Variants in MAP3K15 observed in about 807,000 individuals in gnomAD.
MAP3K15 encodes the protein MAPK/ERK kinase kinase 15.
MAP3K15 carries 124 observed loss-of-function variants against 99.5 expected under a neutral mutation model. That is an observed-to-expected ratio of 1.25 (90% CI 1.08 to 1.45). MAP3K15 has a LOEUF of 1.45. Among genes scored for constraint, MAP3K15 ranks in the 40% most tolerant of loss-of-function variants. The pLI, the probability that MAP3K15 is intolerant of heterozygous loss-of-function variation, is 0.00. For synonymous variants in MAP3K15, 494 were observed against 439.6 expected (o/e 1.12, Z -1.55); for missense variants, 1,242 against 1,079.7 (o/e 1.15, Z -2.11).
intron 26 of MAP3K15, 45 bp downstream of exon 26, chrX:19,362,693 A>G (rs1455849524): frequency 1.3e-6 from 1 of 772,801 alleles, no homozygotes; most frequent in South Asian, 2.2e-5. Flanking sequence ...GCTAACTAGA[A>G]TATTAGCTAG....
Position 19,360,664 on chromosome X carries a change from AGC to A in MAP3K15, c.*83_*84del, listed in dbSNP as rs912317775. On this transcript the variant is annotated 3_prime_UTR_variant, in exon 29 of 29. Transcript: ENST00000338883. ...ATGGCATTTTTAAATATGTAAACACAGCGGAATTCGTGTATACACTAACAGAA... is the reference window on the plus strand; with the variant it reads ...ATGGCATTTTTAAATATGTAAACACAGGAATTCGTGTATACACTAACAGAA... The A allele has an allele frequency of 2.9e-6, 2 of 695,129 alleles. No homozygotes were observed. Among genetic ancestry groups the A allele is most frequent in the African/African-American group, 4.3e-5 (2 of 46,327 alleles). 57.3% of individuals were successfully genotyped at this position (695,129 alleles called of 1,213,427 possible).
intron 25 of MAP3K15, among the ~76,000 whole-genome samples, chrX:19,363,249 C>T (rs1031767581): frequency 8.9e-6 from 1 of 112,061 alleles, no homozygotes; most frequent in African/African-American, 3.2e-5. Context: ...ACCCCAGAGG[C>T]TCCCTCATCC....
Position 19,395,189 on chromosome X carries a change from C to T in MAP3K15, c.2086G>A (p.Glu696Lys), listed in dbSNP as rs766154880. 76 of 1,205,203 alleles carry T rather than the reference C, an allele frequency of 6.3e-5. No individual in the cohort carries two copies. In the South Asian group the frequency reaches 1.2e-3, roughly 20 times the overall value. Residue 696 changes from glutamate (E) to lysine (K), a missense_variant, in exon 16 of 29, where the codon GAG becomes AAG. Glu to Lys is a moderately conservative substitution (Grantham distance 56). Transcript: ENST00000338883. ...RDSRYSQPLH[E>K]EIALHKYLKH... ...AGGTACTTGTGCAGGGCTATCTCCTCGTGCAGAGGCTGAGAATACCTATTG... is the reference window on the plus strand; with the variant it reads ...AGGTACTTGTGCAGGGCTATCTCCTTGTGCAGAGGCTGAGAATACCTATTG...
At chrX:19,393,321 G>A (rs772648857) in intron 16 of MAP3K15, among the ~76,000 whole-genome samples, 1 of 111,569 alleles carries the variant, frequency 9.0e-6, no homozygotes, top group African/African-American at 3.3e-5. Flanking sequence ...GCCGGGGATG[G>A]GGTTATCAAC....
chrX:19,386,156 C>T (rs905974290), intron 18 of MAP3K15, among the ~76,000 whole-genome samples: 1 of 111,687 alleles, frequency 9.0e-6, no homozygotes, highest in African/African-American at 3.3e-5. Flanking sequence ...ATTGGGTTTC[C>T]TTCAATCTGG....
chrX:19,413,504 A>G, intron 10 of MAP3K15, 40 bp from the exon 11 acceptor site: 1 of 1,031,926 alleles, frequency 9.7e-7, no homozygotes, highest in Non-Finnish European at 1.3e-6. Flanking sequence ...ACATGGGTAG[A>G]AAACATAGCG....
At chrX:19,427,010 G>A (rs2063838277) in intron 7 of MAP3K15, among the ~76,000 whole-genome samples, 1 of 109,965 alleles carries the variant, frequency 9.1e-6, no homozygotes, top group Admixed American at 9.8e-5. Context: ...AGATCACCAC[G>A]ATTTGATGTC....
chrX:19,474,688 T>G (rs1185500119), intron 3 of MAP3K15, among the ~76,000 whole-genome samples: 1 of 110,709 alleles, frequency 9.0e-6, no homozygotes, highest in Non-Finnish European at 1.9e-5. Context: ...ACTTTGTTGG[T>G]AACAGGAGTC....
intron 1 of MAP3K15, among the ~76,000 whole-genome samples, chrX:19,503,567 AGGCATGGGCC>A (rs2064454894): frequency 9.0e-6 from 1 of 111,122 alleles, no homozygotes; most frequent in Non-Finnish European, 1.9e-5. Context: ...CTGGGACTAT[AGGCATGGGCC>A]ACCATGCCTG....
chrX:19,473,050 G>A lies in MAP3K15; in HGVS notation c.526-8644C>T, dbSNP rs192766834. Among the ~76,000 whole-genome samples, 233 of 112,179 alleles carry A rather than the reference G, an allele frequency of 2.1e-3. 5 individuals are homozygous for A. Among genetic ancestry groups the A allele is most frequent in the Non-Finnish European group, 2.4e-3 (130 of 53,292 alleles). Reference sequence around the variant, plus strand: ...CCAGTCAGCAGAGGATCTGATCCACGGAGCAAACGTTTAGCCATAGTTAGA... The same window carrying A: ...CCAGTCAGCAGAGGATCTGATCCACAGAGCAAACGTTTAGCCATAGTTAGA... On this transcript the variant is annotated intron_variant, in intron 3 of 28. Transcript: ENST00000338883.
chrX:19,487,117 C>A (rs1032904625), intron 2 of MAP3K15, among the ~76,000 whole-genome samples: 1 of 72,136 alleles, frequency 1.4e-5, no homozygotes. Flanking sequence ...TACGCACCAA[C>A]ATTTCTGGGG....
intron 6 of MAP3K15, among the ~76,000 whole-genome samples, chrX:19,446,337 T>C (rs948336314): frequency 1.8e-5 from 2 of 111,986 alleles, no homozygotes; most frequent in African/African-American, 6.5e-5. Context: ...ATTCAACTAA[T>C]AAAATGATGC....
At chrX:19,503,627 G>A (rs758272633) in intron 1 of MAP3K15, among the ~76,000 whole-genome samples, 10 of 109,998 alleles carry the variant, frequency 9.1e-5, no homozygotes, top group African/African-American at 2.3e-4. Context: ...GGGTTTCACC[G>A]TGTTGGCCAG....
intron 12 of MAP3K15, among the ~76,000 whole-genome samples, chrX:19,408,050 G>A (rs189896860): frequency 3.6e-5 from 4 of 112,294 alleles, no homozygotes; most frequent in Non-Finnish European, 5.6e-5. Context: ...ACAAACACTG[G>A]GTTGGAACAC....
intron 6 of MAP3K15, among the ~76,000 whole-genome samples, chrX:19,447,126 C>T (rs909896737): frequency 4.5e-5 from 5 of 110,892 alleles, no homozygotes; most frequent in African/African-American, 1.3e-4. Flanking sequence ...CTATGTTGCT[C>T]AGGCTGGTCT....
At chrX:19,405,376 TCATGAGGAAACG>T (rs1222465782) in intron 13 of MAP3K15, among the ~76,000 whole-genome samples, 1 of 111,428 alleles carries the variant, frequency 9.0e-6, no homozygotes, top group Non-Finnish European at 1.9e-5. Context: ...ATCAGTGTAC[TCATGAGGAAACG>T]ATAAACAAAT....
At position 19,380,087 on chromosome X, in the gene MAP3K15, C is replaced by T. The variant is rs746137284; in HGVS notation, c.2589+33G>A. ...TTTGTTTTTAATTCTACTTCCCAAC[C>T]ACGCCCAACCTCAATCACGAAGCAT... On this transcript the variant is annotated intron_variant, in intron 19 of 28. Coordinates refer to ENST00000338883, the MANE Select transcript of MAP3K15 (RefSeq NM_001001671.4). The T allele has an allele frequency of 1.2e-5, 14 of 1,139,666 alleles. No homozygotes were observed. The African/African-American group carries it at 1.3e-4, about 11-fold the overall frequency. 93.9% of individuals were successfully genotyped at this position (1,139,666 alleles called of 1,213,427 possible). A position where few individuals can be genotyped will look rare whatever the true frequency, so the allele number is the denominator to read the frequency against.
intron 6 of MAP3K15, among the ~76,000 whole-genome samples, chrX:19,450,321 G>C (rs2064028037): frequency 9.2e-6 from 1 of 108,838 alleles, no homozygotes; most frequent in African/African-American, 3.3e-5. Context: ...CTGCACTCTA[G>C]CCTGGACAAC....
chrX:19,384,748 GGAAAAAAAAAAAAA>G (rs2063482758), intron 18 of MAP3K15, among the ~76,000 whole-genome samples: 1 of 56,465 alleles, frequency 1.8e-5, no homozygotes, highest in African/African-American at 7.0e-5. Flanking sequence ...TTGTCTCAGG[GGAAAAAAAAAAAAA>G]AAAAAAAAAA....
Sources: gnomAD v4.1 joint callset for allele counts (sites outside exome capture counted in the v4.1 genomes callset) on GRCh38, gnomAD v4.1.1 for gene constraint, MANE v1.5 for transcripts, NCBI Gene and HGNC (gene_info 2026-07-23, HGNC 2026-07-21) for gene names.